ANKRD12: variants seen among roughly 807,000 people sequenced by gnomAD.
The protein encoded by ANKRD12 is ankyrin repeat domain 12.
In ANKRD12, 85 loss-of-function variants were observed where a neutral mutation model predicts 183.4. The ratio of observed to expected loss-of-function variants is 0.46; its 90% confidence interval spans 0.39 to 0.56. ANKRD12 has a LOEUF of 0.56. Among genes scored for constraint, ANKRD12 ranks in the 20% least tolerant of loss-of-function variants. The probability of loss-of-function intolerance (pLI) is 0.00; values close to 1 mark genes in which losing one functional copy is unlikely to be tolerated. For synonymous variants in ANKRD12, 914 were observed against 800.2 expected, an observed-to-expected ratio of 1.14 and a Z score of -2.40; for missense variants, 2,405 against 2,357.1, an observed-to-expected ratio of 1.02 and a Z score of -0.42.
rs1459595243 is a variant in ANKRD12, at chr18:9,256,714, A to G, written c.3447A>G (p.Ala1149=). The G allele has an allele frequency of 2.5e-5, 41 of 1,611,712 alleles. No individual in the cohort carries two copies. Among genetic ancestry groups the G allele is most frequent in the Admixed American group, 3.4e-5 (2 of 59,466 alleles). Residue 1149 remains alanine, a synonymous_variant, in exon 9 of 13, where the codon GCA becomes GCG. Transcript: ENST00000262126. The part of the protein sequence containing the change: ...TRSKSSEVTD[A]YTKEKQPKDA... ...CAAAGAGTTCAGAAGTGACTGATGC[A>G]TATACCAAGGAGAAACAACCTAAAG... is the stretch of plus-strand genomic sequence containing the variant.
chr18:9,185,910 C>A (rs1156246844), intron 2 of ANKRD12, among the ~76,000 whole-genome samples: 5 of 152,144 alleles, frequency 3.3e-5, no homozygotes, highest in African/African-American at 1.2e-4. Context: ...GGACAGAATG[C>A]AATGTTAGAT....
intron 1 of ANKRD12, among the ~76,000 whole-genome samples, chr18:9,138,286 G>A (rs2078194788): frequency 6.6e-6 from 1 of 152,222 alleles, no homozygotes; most frequent in South Asian, 2.1e-4. Context: ...GCCGACGTGG[G>A]TAGATCACCT....
At chr18:9,178,372 C>T (rs759492964) in intron 1 of ANKRD12, among the ~76,000 whole-genome samples, 180 of 151,544 alleles carry the variant, frequency 1.2e-3, no homozygotes, top group Non-Finnish European at 1.8e-3. Context: ...TACAGTTTTT[C>T]CAAGACCGTT....
chr18:9,244,669 G>A (rs1055649746), intron 8 of ANKRD12, among the ~76,000 whole-genome samples: 1 of 152,074 alleles, frequency 6.6e-6, no homozygotes, highest in African/African-American at 2.4e-5. Flanking sequence ...ATGGCATTTT[G>A]TGCTGATGAA....
At chr18:9,205,586 T>C (rs933915581) in intron 4 of ANKRD12, among the ~76,000 whole-genome samples, 1 of 152,130 alleles carries the variant, frequency 6.6e-6, no homozygotes, top group Non-Finnish European at 1.5e-5. Flanking sequence ...TTAGGCATGC[T>C]TTTCTAAAAG....
At chr18:9,262,425 A>G (rs1047064707) in intron 9 of ANKRD12, among the ~76,000 whole-genome samples, 11 of 152,196 alleles carry the variant, frequency 7.2e-5, no homozygotes, top group Non-Finnish European at 1.5e-5. Flanking sequence ...GGTTATTGCC[A>G]TCTCTTGGAC....
intron 1 of ANKRD12, among the ~76,000 whole-genome samples, chr18:9,149,793 A>ATTTTTTTTTTTTTTTTTTTTTTTTT (rs11403682): frequency 6.9e-6 from 1 of 145,056 alleles, no homozygotes; most frequent in African/African-American, 2.5e-5. Context: ...TATTTATTAA[A>ATTTTTTTTTTTTTTTTTTTTTTTTT]TTTTATTTTT....
At position 9,257,272 on chromosome 18, in the gene ANKRD12, A is replaced by G; in HGVS notation, c.4005A>G (p.Leu1335=). ...CAGAAGAGAGCAATCAAGGTAGCTT[A>G]TTAACTGTGCCAGGAGATACTAGTC... is the stretch of plus-strand genomic sequence containing the variant. ...TISEESNQGS[L]LTVPGDTSPS... The change falls in exon 9 of 13, where the codon TTA becomes TTG. Residue 1335 remains leucine (L), a synonymous_variant. Coordinates refer to ENST00000262126, the MANE Select transcript of ANKRD12 (RefSeq NM_015208.5). 1 of 1,614,178 alleles carries G rather than the reference A, an allele frequency of 6.2e-7. No individual in the cohort carries two copies. Among genetic ancestry groups the G allele is most frequent in the Non-Finnish European group, 8.5e-7 (1 of 1,179,992 alleles).
At chr18:9,157,995 G>A (rs1328181251) in intron 1 of ANKRD12, among the ~76,000 whole-genome samples, 3 of 152,152 alleles carry the variant, frequency 2.0e-5, no homozygotes, top group African/African-American at 7.2e-5. Context: ...TAGAGATAAA[G>A]GCTGTGAGTG....
chr18:9,258,981 GTA>G, intron 9 of ANKRD12, 50 bp downstream of exon 9: 1 of 1,517,204 alleles, frequency 6.6e-7, no homozygotes, highest in Non-Finnish European at 8.8e-7. Flanking sequence ...CCCAATAGAA[GTA>G]TAATGCTAGC....
rs183438966 is a variant in ANKRD12 at position 9,230,937 on chromosome 18, G to A, written c.943+8938G>A. On this transcript the variant is annotated intron_variant, in intron 8 of 12. Coordinates refer to ENST00000262126, the MANE Select transcript of ANKRD12 (RefSeq NM_015208.5). ...CCCGCTTCGGCCTCCCAAAGTGCTA[G>A]GATTACAGGCGTAAGCCACCATGCC... Among the ~76,000 whole-genome samples the A allele has an allele frequency of 6.1e-3, 928 of 152,116 alleles. 9 individuals carry two copies. Among genetic ancestry groups the A allele is most frequent in the Middle Eastern group, 0.034 (10 of 294 alleles).
At chr18:9,231,458 T>A (rs2037041205) in intron 8 of ANKRD12, among the ~76,000 whole-genome samples, 1 of 152,174 alleles carries the variant, frequency 6.6e-6, no homozygotes, top group Non-Finnish European at 1.5e-5. Context: ...ATTGTTATAT[T>A]CTCTTGCTGT....
intron 3 of ANKRD12, among the ~76,000 whole-genome samples, chr18:9,202,748 A>G (rs1368328841): frequency 6.6e-6 from 1 of 152,228 alleles, no homozygotes; most frequent in East Asian, 1.9e-4. Context: ...TCAGTACAGC[A>G]TAAAAGGAAG....
At chr18:9,204,649 C>G in intron 4 of ANKRD12, 105 bp downstream of exon 4, 1 of 878,036 alleles carries the variant, frequency 1.1e-6, no homozygotes, top group South Asian at 1.8e-5. Flanking sequence ...ATATAGATAT[C>G]TTTGGTTAAA....
intron 2 of ANKRD12, among the ~76,000 whole-genome samples, chr18:9,184,198 T>TA (rs2033890543): frequency 6.6e-6 from 1 of 152,198 alleles, no homozygotes; most frequent in South Asian, 2.1e-4. Flanking sequence ...TTTAAAGAAA[T>TA]AAGAGAAATC....
intron 1 of ANKRD12, among the ~76,000 whole-genome samples, chr18:9,176,653 C>T (rs572999311): frequency 1.3e-5 from 2 of 152,244 alleles, no homozygotes; most frequent in East Asian, 1.9e-4. Flanking sequence ...ATCTGTACAT[C>T]TTCTTTACCC....
intron 10 of ANKRD12, among the ~76,000 whole-genome samples, chr18:9,269,012 C>A (rs1445644123): frequency 6.6e-6 from 1 of 152,138 alleles, no homozygotes; most frequent in East Asian, 1.9e-4. Flanking sequence ...AGTGAACTCC[C>A]ATTCACAATT....
At chr18:9,214,726 T>C (rs1041026411) in intron 6 of ANKRD12, among the ~76,000 whole-genome samples, 2 of 152,136 alleles carry the variant, frequency 1.3e-5, no homozygotes, top group Non-Finnish European at 2.9e-5. Context: ...TGTGGTTACC[T>C]GCCATTTGAA....
intron 9 of ANKRD12, chr18:9,260,443 A>G (rs899816636): frequency 4.6e-5 from 7 of 152,184 alleles, no homozygotes; most frequent in African/African-American, 1.7e-4. Context: ...AATTTAATCA[A>G]AATGCTGCCA....
Sources: allele counts gnomAD v4.1 joint callset (sites outside exome capture counted in the v4.1 genomes callset), GRCh38; gene constraint gnomAD v4.1.1; transcripts MANE v1.5; gene names NCBI Gene and HGNC (gene_info 2026-07-23, HGNC 2026-07-21).